SOS2: variants seen among roughly 807,000 people sequenced by gnomAD.
SOS2 encodes son of sevenless homolog 2.
SOS2 carries 65 observed loss-of-function variants against 148.2 expected under a neutral mutation model. That is an observed-to-expected ratio of 0.44 (90% CI 0.36 to 0.54). SOS2 has a LOEUF of 0.54. SOS2 is among the 20% of genes least tolerant of loss of function. The pLI is 0.00. For synonymous variants in SOS2, 539 were observed against 537.1 expected (o/e 1.00, Z -0.05); for missense variants, 1,341 against 1,590.2 (o/e 0.84, Z 2.67).
At chr14:50,178,705 T>C (rs57739288) in intron 7 of SOS2, among the ~76,000 whole-genome samples, 107,189 of 129,306 alleles carry the variant, frequency 0.83, 44,054 homozygotes, top group East Asian at 0.89. Flanking sequence ...TATATATATA[T>C]ATATATACAC....
At chr14:50,128,743 C>T (rs1883766831) in intron 21 of SOS2, among the ~76,000 whole-genome samples, 1 of 152,046 alleles carries the variant, frequency 6.6e-6, no homozygotes, top group Non-Finnish European at 1.5e-5. Context: ...GCACTATTTC[C>T]CTTTTAAATT....
intron 1 of SOS2, among the ~76,000 whole-genome samples, chr14:50,221,791 T>C (rs1887210280): frequency 6.6e-6 from 1 of 152,118 alleles, no homozygotes; most frequent in African/African-American, 2.4e-5. Context: ...TGAGCCATGA[T>C]CATGCCACTG....
intron 8 of SOS2, among the ~76,000 whole-genome samples, chr14:50,165,155 C>T (rs1461936196): frequency 6.6e-6 from 1 of 152,154 alleles, no homozygotes; most frequent in Non-Finnish European, 1.5e-5. Flanking sequence ...CAAGGATTTT[C>T]TTTTACAGAA....
chr14:50,217,728 C>T (rs534570405), intron 1 of SOS2, among the ~76,000 whole-genome samples: 1 of 148,624 alleles, frequency 6.7e-6, no homozygotes, highest in Non-Finnish European at 1.5e-5. Flanking sequence ...AGGCCGAGGC[C>T]GGTGGATCAC....
rs762593451 is a variant in SOS2, at chr14:50,118,585, C to G, written c.3758G>C (p.Ser1253Thr). 4.4e-5 allele frequency: 71 copies of G among 1,614,038 alleles called. No homozygotes were observed. The highest frequency in any genetic ancestry group is 5.9e-5 in the Non-Finnish European group (70 of 1,180,042). ...AGTGCTTGGCGAATTTGGACACGTA[C>G]TAATGTCTCTGAGCCAGTCTGAATC... ...HRDSDWLRDI[S>T]TCPNSPSTPP... is the part of the protein sequence containing the mutation. Residue 1253 changes from serine to threonine, a missense_variant, in exon 23 of 23, where the codon AGT becomes ACT. By Grantham distance (58) the Ser-to-Thr change is moderately conservative. This residue lies in a region of SOS2 where 354 missense variants were observed against 347.7 expected (regional missense o/e 1.02). Transcript: ENST00000216373.
chr14:50,162,656 C>T (rs1190469506), intron 8 of SOS2, among the ~76,000 whole-genome samples: 1 of 152,038 alleles, frequency 6.6e-6, no homozygotes, highest in Non-Finnish European at 1.5e-5. Context: ...TAAACTTTTC[C>T]GTAAACAGCA....
At chr14:50,215,397 C>T (rs907315246) in intron 1 of SOS2, 3 of 1,284,348 alleles carry the variant, frequency 2.3e-6, no homozygotes, top group Non-Finnish European at 3.0e-6. Flanking sequence ...AACAGGACAT[C>T]AAGAGGACAA....
At chr14:50,204,971 A>G (rs1886615108) in intron 1 of SOS2, among the ~76,000 whole-genome samples, 1 of 151,228 alleles carries the variant, frequency 6.6e-6, no homozygotes, top group South Asian at 2.1e-4. Flanking sequence ...TTTCTGTCCT[A>G]AATAATAATC....
chr14:50,187,377 T>C (rs1283729003), intron 5 of SOS2, among the ~76,000 whole-genome samples: 1 of 142,468 alleles, frequency 7.0e-6, no homozygotes, highest in Admixed American at 7.3e-5. Flanking sequence ...AGAAGAAGTC[T>C]CGCTCTGTCG....
chr14:50,187,861 C>T (rs1885968541), intron 5 of SOS2, among the ~76,000 whole-genome samples: 1 of 152,138 alleles, frequency 6.6e-6, no homozygotes, highest in Admixed American at 6.5e-5. Flanking sequence ...CCTTAAGGTA[C>T]TTACCAAAAG....
chr14:50,199,921 T>A, intron 3 of SOS2, 66 bp from the exon 4 acceptor site: 1 of 1,029,282 alleles, frequency 9.7e-7, no homozygotes, highest in Non-Finnish European at 1.4e-6. Context: ...ACTTAAAAAA[T>A]TCCTATTTAA....
At chr14:50,221,575 TTTTCA>T (rs1172805668) in intron 1 of SOS2, among the ~76,000 whole-genome samples, 2 of 152,204 alleles carry the variant, frequency 1.3e-5, no homozygotes, top group African/African-American at 4.8e-5. Flanking sequence ...ATTACAAATA[TTTTCA>T]TTTAAGTATC....
chr14:50,135,642 C>CTTTTTTTTTTTTTTTTT (rs56043962), intron 18 of SOS2, among the ~76,000 whole-genome samples: 3 of 82,566 alleles, frequency 3.6e-5, no homozygotes, highest in Admixed American at 1.7e-4. Context: ...ATGTGGTTTG[C>CTTTTTTTTTTTTTTTTT]TTTTTTTTTT....
chr14:50,161,060 G>C (rs539767224), intron 9 of SOS2, among the ~76,000 whole-genome samples: 1 of 150,856 alleles, frequency 6.6e-6, no homozygotes, highest in Non-Finnish European at 1.5e-5. Flanking sequence ...CCTGTAATCC[G>C]AGCACTTTGG....
rs1286660147 is a variant in SOS2 at position 50,175,902 on chromosome 14, C to T, written c.970-1350G>A. 1.0e-3 allele frequency among the ~76,000 whole-genome samples: 152 copies of T among 152,222 alleles called. 1 individual carries two copies. The highest frequency in any genetic ancestry group is 1.6e-4 in the Non-Finnish European group (11 of 67,998). On this transcript the variant is annotated intron_variant, in intron 7 of 22. Coordinates refer to ENST00000216373, the MANE Select transcript of SOS2 (RefSeq NM_006939.4). Reference sequence around the variant, plus strand: ...ATAATCTTTTCAACAGACTTATTATCCAGTAACCAAACTTCTTACTAGGAT... The same window carrying T: ...ATAATCTTTTCAACAGACTTATTATTCAGTAACCAAACTTCTTACTAGGAT...
intron 1 of SOS2, 33 bp from the exon 2 acceptor site, chr14:50,204,442 C>T: frequency 7.4e-7 from 1 of 1,354,304 alleles, no homozygotes; most frequent in Admixed American, 2.2e-5. Flanking sequence ...AAAGTAATGG[C>T]AAAATAATAT....
intron 12 of SOS2, among the ~76,000 whole-genome samples, chr14:50,155,670 G>A (rs1446374890): frequency 6.6e-6 from 1 of 152,040 alleles, no homozygotes; most frequent in East Asian, 1.9e-4. Context: ...CCCCAAGAAA[G>A]CCACAATATC....
intron 1 of SOS2, among the ~76,000 whole-genome samples, chr14:50,207,910 A>G (rs1453287736): frequency 1.3e-5 from 2 of 151,930 alleles, no homozygotes; most frequent in African/African-American, 2.4e-5. Context: ...CAAAAAAAAA[A>G]AAAAGAAAAG....
rs557498497 is a variant in SOS2 at position 50,159,701 on chromosome 14, A to T, written c.1582T>A (p.Ser528Thr). 3 of 1,614,118 alleles carry T rather than the reference A, an allele frequency of 1.9e-6. No homozygotes were observed. The highest frequency in any genetic ancestry group is 2.5e-6 in the Non-Finnish European group (3 of 1,180,010). ...DENSIIFAAKSAEEKNNWMAA... is the reference protein window; with the variant it reads ...DENSIIFAAKTAEEKNNWMAA... ...ATCCAGTTGTTTTTTTCTTCAGCAG[A>T]CTTAGCAGCAAATATTATGCTGTTC... is the stretch of plus-strand genomic sequence containing the variant. Residue 528 changes from serine to threonine, a missense_variant, in exon 10 of 23, where the codon TCT becomes ACT. Transcript: ENST00000216373.
Sources: gnomAD v4.1 joint callset for allele counts (sites outside exome capture counted in the v4.1 genomes callset) on GRCh38, gnomAD v4.1.1 for gene constraint, gnomAD v4.1.1 regional missense constraint, MANE v1.5 for transcripts, NCBI Gene and HGNC (gene_info 2026-07-23, HGNC 2026-07-21) for gene names.